The following NKAIN2 variants were observed in gnomAD, a reference collection of about 807,000 sequenced individuals.
The protein encoded by NKAIN2 is sodium/potassium transporting ATPase interacting 2, also known as sodium/potassium-transporting ATPase subunit beta-1-interacting protein 2.
A neutral mutation model predicts 32.6 loss-of-function variants in NKAIN2; 14 were observed. The ratio of observed to expected loss-of-function variants is 0.43; its 90% CI spans 0.28 to 0.67. The LOEUF is 0.67. NKAIN2 is among the 30% of genes least tolerant of loss of function. The pLI, the probability that NKAIN2 is intolerant of heterozygous loss-of-function variation, is 0.17. For synonymous variants in NKAIN2, 80 were observed against 87.2 expected (o/e 0.92, Z 0.46); for missense variants, 198 against 258.3 (o/e 0.77, Z 1.60).
At chr6:124,265,796 A>G (rs1794467910) in intron 1 of NKAIN2, among the ~76,000 whole-genome samples, 2 of 152,228 alleles carry the variant, frequency 1.3e-5, no homozygotes, top group Non-Finnish European at 1.5e-5. Context: ...AAAGCGGCAA[A>G]ACAGTATAAC....
At chr6:123,960,666 G>A (rs963547613) in intron 1 of NKAIN2, among the ~76,000 whole-genome samples, 1 of 151,686 alleles carries the variant, frequency 6.6e-6, no homozygotes, top group Non-Finnish European at 1.5e-5. Flanking sequence ...TGAGCCACAG[G>A]CACTAACGTG....
chr6:124,303,401 T>G (rs1796379635), intron 2 of NKAIN2, among the ~76,000 whole-genome samples: 1 of 152,144 alleles, frequency 6.6e-6, no homozygotes, highest in Admixed American at 6.5e-5. Context: ...CTCTACACTG[T>G]TACTCTTCAG....
At chr6:124,430,137 A>G (rs1261765697) in intron 3 of NKAIN2, among the ~76,000 whole-genome samples, 1 of 152,242 alleles carries the variant, frequency 6.6e-6, no homozygotes, top group Non-Finnish European at 1.5e-5. Flanking sequence ...AAAATGAATT[A>G]CTGGAATAAT....
chr6:124,010,164 CA>C (rs546332498), intron 1 of NKAIN2, among the ~76,000 whole-genome samples: 74 of 152,088 alleles, frequency 4.9e-4, no homozygotes, highest in East Asian at 3.9e-4. Context: ...CAGGGTGGAC[CA>C]CTCCCATTTC....
At chr6:124,316,722 G>C (rs910390202) in intron 2 of NKAIN2, among the ~76,000 whole-genome samples, 1 of 152,096 alleles carries the variant, frequency 6.6e-6, no homozygotes, top group Non-Finnish European at 1.5e-5. Context: ...CTAAAAGTTG[G>C]TAGCAAATGT....
chr6:124,363,348 A>G (rs1030831230), intron 3 of NKAIN2, among the ~76,000 whole-genome samples: 3 of 152,174 alleles, frequency 2.0e-5, no homozygotes, highest in Non-Finnish European at 1.5e-5. Context: ...TAAACATGCT[A>G]TACCCTGGGT....
chr6:124,407,705 A>G lies in NKAIN2; in HGVS notation c.273+52358A>G, dbSNP rs557002351. On this transcript the variant is annotated intron_variant, in intron 3 of 6. Coordinates refer to ENST00000368417, the MANE Select transcript of NKAIN2 (RefSeq NM_001040214.3). ...GCATGATTTATAATCCTTTGGGTAT[A>G]TACCCAGTAATGAGATGGCTGGGTC... Among the ~76,000 whole-genome samples the G allele has an allele frequency of 5.0e-3, 756 of 152,094 alleles. 3 individuals carry two copies. Among genetic ancestry groups the G allele is most frequent in the African/African-American group, 0.017 (691 of 41,518 alleles).
chr6:123,808,827 A>T (rs933330319), intron 1 of NKAIN2, among the ~76,000 whole-genome samples: 1 of 152,198 alleles, frequency 6.6e-6, no homozygotes. Flanking sequence ...CTACTTGCCC[A>T]GTCAGGAATT....
chr6:123,967,493 G>A (rs117804419), intron 1 of NKAIN2, among the ~76,000 whole-genome samples: 3,182 of 152,184 alleles, frequency 0.021, 53 homozygotes, highest in Non-Finnish European at 0.032. Flanking sequence ...TCTATTGTTT[G>A]TTATCTTATC....
At chr6:124,769,537 C>G (rs949246711) in intron 4 of NKAIN2, among the ~76,000 whole-genome samples, 1 of 152,098 alleles carries the variant, frequency 6.6e-6, no homozygotes, top group East Asian at 1.9e-4. Context: ...GAAATATCAA[C>G]TAGATTAACT....
At chr6:124,758,855 C>G (rs1280506259) in intron 4 of NKAIN2, among the ~76,000 whole-genome samples, 2 of 152,140 alleles carry the variant, frequency 1.3e-5, no homozygotes, top group Non-Finnish European at 2.9e-5. Context: ...TGACATAAAC[C>G]CTATCTTTTA....
intron 3 of NKAIN2, among the ~76,000 whole-genome samples, chr6:124,503,316 T>G (rs2114753785): frequency 6.6e-6 from 1 of 152,266 alleles, no homozygotes; most frequent in Admixed American, 6.5e-5. Context: ...TTTAGGAATA[T>G]AACTTGGAAA....
intron 3 of NKAIN2, among the ~76,000 whole-genome samples, chr6:124,504,417 A>C (rs748890077): frequency 1.7e-4 from 26 of 152,318 alleles, no homozygotes; most frequent in Non-Finnish European, 2.8e-4. Flanking sequence ...TTATTTGAAG[A>C]AACTTGACTT....
At chr6:123,992,371 G>T (rs187839556) in intron 1 of NKAIN2, among the ~76,000 whole-genome samples, 1 of 152,146 alleles carries the variant, frequency 6.6e-6, no homozygotes, top group Admixed American at 6.5e-5. Flanking sequence ...GAAAATGAAG[G>T]TGGTGGTGGT....
Position 123,892,485 on chromosome 6 carries a change from C to CTCAT in NKAIN2, c.54+88231_54+88232insTCAT, listed in dbSNP as rs71021469. Among the ~76,000 whole-genome samples the CTCAT allele has an allele frequency of 2.7e-5, 4 of 149,318 alleles. No homozygotes were observed. The East Asian group carries it at 6.0e-4, about 22-fold the overall frequency. ...TAAAAACATCAGCTCTCATGAGACT[C>CTCAT]GCTATCATGAGAACAGCATGGGGGA... On this transcript the variant is annotated intron_variant, in intron 1 of 6. Transcript: ENST00000368417.
At chr6:124,083,035 ACTG>A (rs1425301931) in intron 1 of NKAIN2, among the ~76,000 whole-genome samples, 2 of 151,924 alleles carry the variant, frequency 1.3e-5, no homozygotes, top group African/African-American at 4.8e-5. Flanking sequence ...GAAAACATAG[ACTG>A]CTTTTTATTT....
At chr6:124,013,027 A>C (rs1179978981) in intron 1 of NKAIN2, among the ~76,000 whole-genome samples, 2 of 152,176 alleles carry the variant, frequency 1.3e-5, no homozygotes, top group Admixed American at 6.5e-5. Flanking sequence ...TTAGCCATTT[A>C]ATAGGTATTA....
chr6:124,083,118 A>G (rs541017541), intron 1 of NKAIN2, among the ~76,000 whole-genome samples: 1 of 152,092 alleles, frequency 6.6e-6, no homozygotes, highest in African/African-American at 2.4e-5. Flanking sequence ...AAGGAACTAT[A>G]TGTTTGTATA....
chr6:124,233,432 G>T (rs1562440062), intron 1 of NKAIN2, among the ~76,000 whole-genome samples: 1 of 152,168 alleles, frequency 6.6e-6, no homozygotes, highest in East Asian at 1.9e-4. Flanking sequence ...TCCCTATGGT[G>T]AGCCCTGATG....
Sources: allele counts gnomAD v4.1 joint callset (sites outside exome capture counted in the v4.1 genomes callset), GRCh38; gene constraint gnomAD v4.1.1; transcripts MANE v1.5; gene names NCBI Gene and HGNC (gene_info 2026-07-23, HGNC 2026-07-21).